Variants in LYPLA1 observed in about 807,000 individuals in gnomAD.
The protein encoded by LYPLA1 is acyl-protein thioesterase 1.
Under a neutral mutation model 34.0 loss-of-function variants are expected in LYPLA1, and 17 were observed. The observed-to-expected ratio is 0.50, with a 90% CI of 0.34 to 0.75. The LOEUF (loss-of-function observed/expected upper bound fraction) is 0.75. Among genes scored for constraint, LYPLA1 ranks in the 30% least tolerant of loss-of-function variants. LYPLA1 has a pLI of 0.01. For synonymous variants in LYPLA1, 98 were observed against 100.8 expected (o/e 0.97, Z 0.17); for missense variants, 203 against 288.8 (o/e 0.70, Z 2.15).
chr8:54,091,415 A>C (rs1397937103), intron 2 of LYPLA1, among the ~76,000 whole-genome samples: 2 of 151,904 alleles, frequency 1.3e-5, no homozygotes, highest in African/African-American at 4.8e-5. Flanking sequence ...TGAACCCAGG[A>C]GGCAGAGGTT....
chr8:54,048,189 C>T, intron 8 of LYPLA1, 71 bp from the exon 9 acceptor site: 1 of 925,158 alleles, frequency 1.1e-6, no homozygotes. Context: ...ACTAAAATGC[C>T]ACTAATCAAA....
At chr8:54,060,690 T>C (rs1283168899) in intron 5 of LYPLA1, among the ~76,000 whole-genome samples, 3 of 95,920 alleles carry the variant, frequency 3.1e-5, no homozygotes, top group African/African-American at 1.6e-4. Flanking sequence ...TTTTTCTTCC[T>C]TTTTTTTTTT....
chr8:54,084,143 T>TAC (rs1448310188), intron 2 of LYPLA1, among the ~76,000 whole-genome samples: 1 of 113,714 alleles, frequency 8.8e-6, no homozygotes, highest in African/African-American at 4.6e-5. Flanking sequence ...AATAAATAAA[T>TAC]ATATATATAT....
chr8:54,100,566 C>A (rs1418024028), intron 2 of LYPLA1: 1 of 287,326 alleles, frequency 3.5e-6, no homozygotes, highest in East Asian at 1.2e-4. Context: ...TTCTTCTCTT[C>A]AATCTGCTCT....
At chr8:54,085,594 C>G (rs1234585061) in intron 2 of LYPLA1, among the ~76,000 whole-genome samples, 1 of 151,588 alleles carries the variant, frequency 6.6e-6, no homozygotes, top group Admixed American at 6.6e-5. Flanking sequence ...CCTGCCGCCC[C>G]GTCTGGGATG....
At chr8:54,089,499 G>GC (rs1809056417) in intron 2 of LYPLA1, among the ~76,000 whole-genome samples, 1 of 143,830 alleles carries the variant, frequency 7.0e-6, no homozygotes, top group South Asian at 2.2e-4. Flanking sequence ...CCCTGGGGGG[G>GC]GGCGGGATCT....
intron 2 of LYPLA1, among the ~76,000 whole-genome samples, chr8:54,099,470 G>A (rs1286342845): frequency 2.0e-5 from 3 of 152,110 alleles, no homozygotes; most frequent in Admixed American, 6.5e-5. Context: ...TTGAGGTCAG[G>A]AGTTCGAGAC....
In LYPLA1 at chr8:54,057,581, T is replaced by A. The variant is rs548665092; in HGVS notation, c.287-2448A>T. Among the ~76,000 whole-genome samples the A allele has an allele frequency of 2.0e-5, 3 of 152,330 alleles. No homozygotes were observed. The South Asian group carries it at 6.2e-4, about 32-fold the overall frequency. ...CAGACACAGAAAGACAAACATTGCA[T>A]GTTCTCACTTTTTTGTGGGATCTAA... On this transcript the variant is annotated intron_variant, in intron 5 of 8. Coordinates refer to ENST00000316963, the MANE Select transcript of LYPLA1 (RefSeq NM_006330.4).
intron 4 of LYPLA1, among the ~76,000 whole-genome samples, chr8:54,062,978 T>G (rs1189862786): frequency 6.6e-6 from 1 of 152,116 alleles, no homozygotes; most frequent in Non-Finnish European, 1.5e-5. Flanking sequence ...GGGAAGCGGT[T>G]TCCTTAAAAA....
intron 2 of LYPLA1, among the ~76,000 whole-genome samples, chr8:54,069,820 A>G (rs1807335305): frequency 6.6e-6 from 1 of 152,230 alleles, no homozygotes; most frequent in South Asian, 2.1e-4. Flanking sequence ...AAGACATCTC[A>G]ATAAAAAAAT....
intron 2 of LYPLA1, among the ~76,000 whole-genome samples, chr8:54,074,248 TG>T (rs1467348227): frequency 1.3e-5 from 2 of 152,232 alleles, no homozygotes; most frequent in Non-Finnish European, 2.9e-5. Context: ...CACTCCAGCC[TG>T]GGCGACAGAG....
intron 6 of LYPLA1, chr8:54,053,029 G>A (rs1805956365): frequency 2.9e-6 from 1 of 345,558 alleles, no homozygotes; most frequent in African/African-American, 2.1e-5. Context: ...CGAATATTCT[G>A]AATTTATATT....
intron 2 of LYPLA1, chr8:54,100,618 C>T (rs1810051965): frequency 7.7e-6 from 3 of 387,914 alleles, no homozygotes; most frequent in South Asian, 7.7e-5. Flanking sequence ...TGCACACCGT[C>T]CCTACTAACA....
In LYPLA1 at chr8:54,047,547, G is replaced by A. The variant is rs1229034404; in HGVS notation, c.*518C>T. On this transcript the variant is annotated 3_prime_UTR_variant, in exon 9 of 9. Transcript: ENST00000316963. ...TAAACAGCATTATCCCTATTATTAG[G>A]AATAATGTAATACCACCTCATTCTT... The A allele has an allele frequency of 6.6e-6, 1 of 151,982 alleles. No homozygotes were observed. The highest frequency in any genetic ancestry group is 2.4e-5 in the African/African-American group (1 of 41,388). 9.4% of individuals were successfully genotyped at this position (151,982 alleles called of 1,614,324 possible). A position where few individuals can be genotyped will look rare whatever the true frequency, so the allele number is the denominator to read the frequency against.
chr8:54,053,577 G>A (rs888330733), intron 6 of LYPLA1: 19 of 456,042 alleles, frequency 4.2e-5, no homozygotes, highest in South Asian at 7.7e-5. Context: ...ATGAGTACAC[G>A]AGAGCCTTTC....
intron 2 of LYPLA1, chr8:54,073,513 T>A: frequency 2.8e-6 from 2 of 711,584 alleles, no homozygotes; most frequent in Non-Finnish European, 5.2e-6. Flanking sequence ...TACCAGCATC[T>A]ACACTGCCAC....
chr8:54,080,803 G>T (rs558931825), intron 2 of LYPLA1, among the ~76,000 whole-genome samples: 34 of 152,306 alleles, frequency 2.2e-4, no homozygotes, highest in Admixed American at 2.0e-3. Flanking sequence ...GGCCAGACTG[G>T]TCTCAAACTC....
At chr8:54,082,977 C>T (rs578251411) in intron 2 of LYPLA1, among the ~76,000 whole-genome samples, 10 of 152,308 alleles carry the variant, frequency 6.6e-5, no homozygotes, top group African/African-American at 1.7e-4. Context: ...CCGCCCGCCT[C>T]GGCTTCCCAA....
intron 7 of LYPLA1, among the ~76,000 whole-genome samples, chr8:54,051,955 A>G (rs1805873028): frequency 6.7e-6 from 1 of 150,260 alleles, no homozygotes; most frequent in Admixed American, 6.7e-5. Flanking sequence ...GGTTCAAGTG[A>G]TTCTCATGCC....
Sources: allele counts gnomAD v4.1 joint callset (sites outside exome capture counted in the v4.1 genomes callset), GRCh38; gene constraint gnomAD v4.1.1; transcripts MANE v1.5; gene names NCBI Gene and HGNC (gene_info 2026-07-23, HGNC 2026-07-21).